CDH13: variants seen among roughly 807,000 people sequenced by gnomAD.
The protein encoded by CDH13 is cadherin-13.
A neutral mutation model predicts 63.8 loss-of-function variants in CDH13; 24 were observed. That is an observed-to-expected ratio of 0.38 (90% CI 0.27 to 0.53). The LOEUF (loss-of-function observed/expected upper bound fraction) is 0.53, where lower values mean the gene tolerates loss of function less well. CDH13 is among the 20% of genes least tolerant of loss of function. The pLI is 0.85. For synonymous variants in CDH13, 503 were observed against 355.3 expected (o/e 1.42, Z -4.67); for missense variants, 1,049 against 903.1 (o/e 1.16, Z -2.07).
At chr16:83,241,374 GT>G (rs1904429932) in intron 5 of CDH13, among the ~76,000 whole-genome samples, 3 of 152,092 alleles carry the variant, frequency 2.0e-5, no homozygotes, top group Non-Finnish European at 2.9e-5. Flanking sequence ...AGATCATATG[GT>G]AATTGTCTTT....
In CDH13 at chr16:83,565,029, T is replaced by A. The variant is rs112406912; in HGVS notation, c.961-37425T>A. 7.2e-3 allele frequency among the ~76,000 whole-genome samples: 1,097 copies of A among 152,290 alleles called. 14 individuals are homozygous for A. The highest frequency in any genetic ancestry group is 0.024 in the African/African-American group (1,014 of 41,560). On this transcript the variant is annotated intron_variant, in intron 7 of 13. Coordinates refer to ENST00000567109, the MANE Select transcript of CDH13 (RefSeq NM_001257.5). ...CCCCCATGGCAGAGGCAACTTCTCA[T>A]TTTATCTCTTGCTCCTCAGCGCTTT...
At chr16:82,761,017 C>CTTTTTTTTTTTTTTCTTTTTTTTTTTT (rs2034821580) in intron 1 of CDH13, among the ~76,000 whole-genome samples, 1 of 40,452 alleles carries the variant, frequency 2.5e-5, no homozygotes, top group Non-Finnish European at 4.6e-5. Context: ...TTCTTTCTTT[C>CTTTTTTTTTTTTTTCTTTTTTTTTTTT]TTTTTTTTTT....
chr16:83,541,771 T>C (rs1044749212), intron 7 of CDH13, among the ~76,000 whole-genome samples: 1 of 152,236 alleles, frequency 6.6e-6, no homozygotes, highest in African/African-American at 2.4e-5. Flanking sequence ...TTAATGTTGC[T>C]CTGCCTAACA....
At chr16:82,700,482 C>G (rs908939241) in intron 1 of CDH13, among the ~76,000 whole-genome samples, 2 of 151,604 alleles carry the variant, frequency 1.3e-5, no homozygotes. Context: ...TAAAGTCAAA[C>G]TTTATTATTA....
intron 2 of CDH13, among the ~76,000 whole-genome samples, chr16:82,938,385 C>A (rs1241300879): frequency 6.6e-6 from 1 of 152,176 alleles, no homozygotes; most frequent in East Asian, 1.9e-4. Flanking sequence ...ATCAATGTTT[C>A]TTTTAGATTA....
At chr16:82,955,758 G>A (rs1597289090) in intron 2 of CDH13, among the ~76,000 whole-genome samples, 1 of 152,290 alleles carries the variant, frequency 6.6e-6, no homozygotes, top group Non-Finnish European at 1.5e-5. Context: ...TTCATTGCAA[G>A]CAGCTACTGC....
chr16:83,315,784 T>C (rs1405311330), intron 5 of CDH13, among the ~76,000 whole-genome samples: 1 of 152,136 alleles, frequency 6.6e-6, no homozygotes, highest in African/African-American at 2.4e-5. Flanking sequence ...ATTATTAGTG[T>C]GCTTGTTATA....
At chr16:83,171,879 A>T (rs1222040950) in intron 4 of CDH13, among the ~76,000 whole-genome samples, 3 of 152,176 alleles carry the variant, frequency 2.0e-5, no homozygotes, top group Non-Finnish European at 4.4e-5. Context: ...TTATAATGCT[A>T]TCAACTTTCT....
intron 1 of CDH13, among the ~76,000 whole-genome samples, chr16:82,675,057 G>C (rs1913739820): frequency 6.6e-6 from 1 of 152,014 alleles, no homozygotes; most frequent in Non-Finnish European, 1.5e-5. Flanking sequence ...AGGAAGGAAG[G>C]ATACAAACAT....
chr16:83,329,382 C>G (rs762222147), intron 5 of CDH13, among the ~76,000 whole-genome samples: 2 of 149,126 alleles, frequency 1.3e-5, no homozygotes, highest in Non-Finnish European at 3.0e-5. Context: ...CGTGCCACCA[C>G]ACATGGCTAA....
chr16:83,480,820 T>A (rs567878780), intron 6 of CDH13, among the ~76,000 whole-genome samples: 1 of 152,274 alleles, frequency 6.6e-6, no homozygotes, highest in African/African-American at 2.4e-5. Context: ...CCAATGAGAA[T>A]CGTTCCAACT....
chr16:83,247,037 G>C (rs1462733131), intron 5 of CDH13, among the ~76,000 whole-genome samples: 1 of 152,202 alleles, frequency 6.6e-6, no homozygotes, highest in African/African-American at 2.4e-5. Context: ...TAGATCTGTA[G>C]GTGATGGTGA....
intron 3 of CDH13, among the ~76,000 whole-genome samples, chr16:83,046,323 T>C (rs142072572): frequency 2.6e-5 from 4 of 152,288 alleles, no homozygotes; most frequent in African/African-American, 4.8e-5. Flanking sequence ...AAAACAAATA[T>C]TGTATGTAGG....
At chr16:83,163,086 T>C (rs2037515111) in intron 4 of CDH13, among the ~76,000 whole-genome samples, 1 of 152,128 alleles carries the variant, frequency 6.6e-6, no homozygotes, top group Non-Finnish European at 1.5e-5. Context: ...CAAGATCTGA[T>C]GGTTATATAA....
intron 8 of CDH13, among the ~76,000 whole-genome samples, chr16:83,654,466 A>G (rs1480070396): frequency 6.6e-6 from 1 of 151,980 alleles, no homozygotes; most frequent in African/African-American, 2.4e-5. Flanking sequence ...AATGTGCAAG[A>G]AAGGACCCAA....
intron 4 of CDH13, among the ~76,000 whole-genome samples, chr16:83,201,487 G>A (rs1430318214): frequency 6.6e-6 from 1 of 151,844 alleles, no homozygotes; most frequent in African/African-American, 2.4e-5. Flanking sequence ...ATGAGCCACA[G>A]GAGACCCATG....
intron 1 of CDH13, chr16:82,639,407 C>A: frequency 1.3e-6 from 2 of 1,535,582 alleles, no homozygotes; most frequent in Non-Finnish European, 1.7e-6. Context: ...CAAGAACATC[C>A]CAGTGAGAAT....
At chr16:83,031,638 C>A (rs1326528993) in intron 2 of CDH13, among the ~76,000 whole-genome samples, 1 of 152,008 alleles carries the variant, frequency 6.6e-6, no homozygotes, top group Non-Finnish European at 1.5e-5. Flanking sequence ...CTGTGCAGCT[C>A]TCCTCAATGG....
At chr16:83,304,437 G>GTT (rs113551848) in intron 5 of CDH13, among the ~76,000 whole-genome samples, 20 of 150,692 alleles carry the variant, frequency 1.3e-4, no homozygotes, top group Non-Finnish European at 2.4e-4. Flanking sequence ...TGATTATTCT[G>GTT]TTTTTTTTTC....
Sources: gnomAD v4.1 joint callset for allele counts (sites outside exome capture counted in the v4.1 genomes callset) on GRCh38, gnomAD v4.1.1 for gene constraint, MANE v1.5 for transcripts, NCBI Gene and HGNC (gene_info 2026-07-23, HGNC 2026-07-21) for gene names.